CDC20B: variants seen among roughly 807,000 people sequenced by gnomAD.
The protein encoded by CDC20B is cell division cycle protein 20 homolog B.
CDC20B carries 58 observed loss-of-function variants against 64.1 expected under a neutral mutation model. The observed-to-expected ratio is 0.90, with a 90% confidence interval of 0.73 to 1.13. CDC20B has a LOEUF of 1.13. Among genes scored for constraint, CDC20B ranks in the 50% most tolerant of loss-of-function variants. CDC20B has a pLI of 0.00. For synonymous variants in CDC20B, 243 were observed against 230.6 expected, an observed-to-expected ratio of 1.05 and a Z score of -0.49; for missense variants, 597 against 633.0, an observed-to-expected ratio of 0.94 and a Z score of 0.61.
intron 2 of CDC20B, among the ~76,000 whole-genome samples, chr5:55,169,910 G>A (rs1375532891): frequency 2.0e-5 from 3 of 152,256 alleles, no homozygotes; most frequent in Middle Eastern, 6.8e-3. Context: ...TCAGGAGATC[G>A]AGACCATCCC....
chr5:55,146,307 T>G (rs1312351116), intron 3 of CDC20B, among the ~76,000 whole-genome samples: 1 of 152,160 alleles, frequency 6.6e-6, no homozygotes, highest in African/African-American at 2.4e-5. Flanking sequence ...CACTTCCAAT[T>G]CCTATCCATA....
intron 2 of CDC20B, among the ~76,000 whole-genome samples, chr5:55,168,552 T>C (rs956706846): frequency 1.2e-4 from 19 of 152,186 alleles, no homozygotes; most frequent in African/African-American, 3.9e-4. Flanking sequence ...TTCTTTAACA[T>C]ATTTTTATTT....
At chr5:55,145,209 T>C (rs1312202242) in intron 3 of CDC20B, among the ~76,000 whole-genome samples, 3 of 152,214 alleles carry the variant, frequency 2.0e-5, no homozygotes, top group Non-Finnish European at 1.5e-5. Flanking sequence ...GTCATAACAA[T>C]GTTTTTCACA....
intron 6 of CDC20B, among the ~76,000 whole-genome samples, chr5:55,128,907 T>C (rs1161111973): frequency 6.6e-6 from 1 of 152,218 alleles, no homozygotes; most frequent in African/African-American, 2.4e-5. Context: ...TATTAGTACA[T>C]GTAGACTTCG....
intron 2 of CDC20B, among the ~76,000 whole-genome samples, chr5:55,171,594 A>G (rs191028170): frequency 6.6e-5 from 10 of 152,142 alleles, no homozygotes; most frequent in African/African-American, 2.4e-4. Context: ...GGATGTTACC[A>G]CTTGAATACT....
At chr5:55,154,533 A>G (rs1030926831) in intron 2 of CDC20B, among the ~76,000 whole-genome samples, 2 of 152,052 alleles carry the variant, frequency 1.3e-5, no homozygotes, top group Non-Finnish European at 2.9e-5. Context: ...AAAAAGAAAA[A>G]AGAGGAAAAC....
intron 7 of CDC20B, 112 bp downstream of exon 7, chr5:55,128,309 C>A: frequency 1.3e-5 from 9 of 669,180 alleles, no homozygotes; most frequent in Middle Eastern, 4.4e-4. Context: ...ATTCCCCATA[C>A]TTCAAGAGCC....
chr5:55,120,013 C>G, intron 10 of CDC20B, 95 bp from the exon 11 acceptor site: 2 of 884,336 alleles, frequency 2.3e-6, no homozygotes, highest in Admixed American at 3.8e-5. Context: ...TGTCCATGAC[C>G]CAACCTCCAG....
intron 4 of CDC20B, among the ~76,000 whole-genome samples, chr5:55,142,990 C>T (rs1474780922): frequency 6.6e-6 from 1 of 151,996 alleles, no homozygotes; most frequent in Non-Finnish European, 1.5e-5. Context: ...CGTCAGACTC[C>T]TAAGATCTTA....
At chr5:55,141,482 T>A (rs1032068182) in intron 4 of CDC20B, among the ~76,000 whole-genome samples, 8 of 152,138 alleles carry the variant, frequency 5.3e-5, no homozygotes, top group Non-Finnish European at 1.0e-4. Flanking sequence ...ATAACTATAG[T>A]GGTGAGCTTC....
At chr5:55,150,813 T>C (rs1337318125) in intron 2 of CDC20B, among the ~76,000 whole-genome samples, 1 of 152,114 alleles carries the variant, frequency 6.6e-6, no homozygotes, top group African/African-American at 2.4e-5. Flanking sequence ...GGCACAATCA[T>C]GGCTCACCGC....
chr5:55,155,911 C>T (rs933523734), intron 2 of CDC20B, among the ~76,000 whole-genome samples: 50 of 152,258 alleles, frequency 3.3e-4, no homozygotes, highest in African/African-American at 8.7e-4. Flanking sequence ...CCTTTCTGGG[C>T]GCTTATACAG....
At chr5:55,159,390 G>A (rs1212465407) in intron 2 of CDC20B, among the ~76,000 whole-genome samples, 3 of 152,276 alleles carry the variant, frequency 2.0e-5, no homozygotes, top group African/African-American at 7.2e-5. Flanking sequence ...GAACTGGGTT[G>A]TTTAAAAATG....
chr5:55,114,237 G>A lies in CDC20B; in HGVS notation c.1541C>T (p.Ser514Phe), dbSNP rs141310624. The change falls in exon 12 of 12, where the codon TCT (serine) becomes TTT (phenylalanine). Residue 514 changes from serine (S) to phenylalanine (F), a missense_variant. Coordinates refer to ENST00000381375, the MANE Select transcript of CDC20B (RefSeq NM_001170402.1). The surrounding 1 kb of genome is among the most constrained non-coding windows in gnomAD (Gnocchi z 4.1). ...VFSAAADGTA[S>F]VWNCY The stretch of plus-strand genomic sequence containing the variant: ...TGGGTGCTAGTAGCAATTCCATACA[G>A]AGGCCGTCCCATCAGCTGCAGCAGA... 1.1e-3 allele frequency: 1,695 copies of A among 1,613,744 alleles called. 13 individuals carry two copies. In the Middle Eastern group the frequency reaches 0.018, roughly 17 times the overall value.
Position 55,124,871 on chromosome 5 carries a change from G to T in CDC20B, c.1147C>A (p.Pro383Thr). 1 of 1,614,146 alleles carries T rather than the reference G, an allele frequency of 6.2e-7. No homozygotes were observed. The highest frequency in any genetic ancestry group is 8.5e-7 in the Non-Finnish European group (1 of 1,180,012). Residue 383 changes from proline (P) to threonine (T), a missense_variant, in exon 9 of 12, where the codon CCC (proline) becomes ACC (threonine). Coordinates refer to ENST00000381375, the MANE Select transcript of CDC20B (RefSeq NM_001170402.1). ...GCSDGLLTIW[P>T]HDPGASAQGQ... is the part of the protein sequence containing the mutation. ...TGTGCACTGGCACCTGGATCGTGGGGCCATATTGTCAGCAGTCCATCACTG... is the reference window on the plus strand; with the variant it reads ...TGTGCACTGGCACCTGGATCGTGGGTCCATATTGTCAGCAGTCCATCACTG...
chr5:55,132,286 T>A (rs530480340), intron 6 of CDC20B, among the ~76,000 whole-genome samples: 1 of 152,176 alleles, frequency 6.6e-6, no homozygotes, highest in Non-Finnish European at 1.5e-5. Context: ...AGATATTCCA[T>A]GGAGCCCAGA....
intron 2 of CDC20B, among the ~76,000 whole-genome samples, chr5:55,163,353 C>CA (rs920318707): frequency 1.0e-4 from 15 of 149,944 alleles, no homozygotes; most frequent in East Asian, 2.0e-4. Flanking sequence ...GAGACCCTGC[C>CA]AAAAAAAAAG....
chr5:55,146,979 T>A, intron 2 of CDC20B, 123 bp from the exon 3 acceptor site: 19 of 407,586 alleles, frequency 4.7e-5, no homozygotes, highest in Non-Finnish European at 7.2e-5. Context: ...TATAATGAGA[T>A]TTTTTTAATT....
chr5:55,152,008 A>G (rs1447903266), intron 2 of CDC20B, among the ~76,000 whole-genome samples: 1 of 152,268 alleles, frequency 6.6e-6, no homozygotes, highest in African/African-American at 2.4e-5. Flanking sequence ...AATCACATGT[A>G]TCCCTGTAAG....
Sources: allele counts gnomAD v4.1 joint callset (sites outside exome capture counted in the v4.1 genomes callset), GRCh38; gene constraint gnomAD v4.1.1; non-coding constraint Gnocchi (gnomAD v3.1); transcripts MANE v1.5; gene names NCBI Gene and HGNC (gene_info 2026-07-23, HGNC 2026-07-21).